COLEC12: variants seen among roughly 807,000 people sequenced by gnomAD.
COLEC12 encodes the protein collectin subfamily member 12.
In COLEC12, 33 loss-of-function variants were observed where a neutral mutation model predicts 71.1. The observed-to-expected ratio is 0.46, with a 90% CI of 0.35 to 0.62. The LOEUF is 0.62. Among genes scored for constraint, COLEC12 ranks in the 20% least tolerant of loss-of-function variants. The pLI, the probability that COLEC12 is intolerant of heterozygous loss-of-function variation, is 0.00. For synonymous variants in COLEC12, 350 were observed against 353.0 expected (o/e 0.99, Z 0.10); for missense variants, 765 against 916.1 (o/e 0.84, Z 2.13).
chr18:500,389 C>G lies in COLEC12; in HGVS notation c.7+119G>C, dbSNP rs1276555950. 1.4e-6 allele frequency: 1 copy of G among 690,534 alleles called. No homozygotes were observed. Among genetic ancestry groups the G allele is most frequent in the African/African-American group, 1.9e-5 (1 of 53,162 alleles). 42.8% of individuals were successfully genotyped at this position (690,534 alleles called of 1,614,324 possible). A position where few individuals can be genotyped will look rare whatever the true frequency, so the allele number is the denominator to read the frequency against. On this transcript the variant is annotated intron_variant, in intron 1 of 9. Transcript: ENST00000400256. The surrounding 1 kb of genome is among the most constrained non-coding windows in gnomAD (Gnocchi z 5.3). Reference sequence around the variant, plus strand: ...CACGAACCCGGCGCCCTGGCAGCCCCGACTCCCCGGGCCCGCAGCCCAAGG... The same window carrying G: ...CACGAACCCGGCGCCCTGGCAGCCCGGACTCCCCGGGCCCGCAGCCCAAGG...
intron 2 of COLEC12, among the ~76,000 whole-genome samples, chr18:418,169 G>A (rs1916026465): frequency 1.3e-5 from 2 of 152,158 alleles, no homozygotes; most frequent in African/African-American, 2.4e-5. Context: ...TGAAAATAGT[G>A]TTATTAATAT....
chr18:478,587 T>C (rs1272071690), intron 2 of COLEC12, among the ~76,000 whole-genome samples: 4 of 152,166 alleles, frequency 2.6e-5, no homozygotes, highest in African/African-American at 4.8e-5. Context: ...CACTCTAGCC[T>C]GAATGACAGA....
intron 2 of COLEC12, among the ~76,000 whole-genome samples, chr18:451,897 TAAGTA>T (rs1156736899): frequency 6.6e-6 from 1 of 152,158 alleles, no homozygotes; most frequent in African/African-American, 2.4e-5. Context: ...GAAATTCACG[TAAGTA>T]AAGAGGAGCC....
At chr18:324,372 A>G (rs1485688594) in intron 8 of COLEC12, among the ~76,000 whole-genome samples, 1 of 152,240 alleles carries the variant, frequency 6.6e-6, no homozygotes, top group African/African-American at 2.4e-5. Flanking sequence ...CTACATTATC[A>G]TACACATGTC....
intron 8 of COLEC12, among the ~76,000 whole-genome samples, chr18:330,305 T>C (rs892239898): frequency 1.3e-5 from 2 of 152,114 alleles, no homozygotes; most frequent in Non-Finnish European, 2.9e-5. Context: ...TCCATGCCCA[T>C]GAGACTCTCT....
intron 8 of COLEC12, among the ~76,000 whole-genome samples, chr18:324,171 A>C (rs1236283271): frequency 1.3e-5 from 2 of 152,190 alleles, no homozygotes; most frequent in Non-Finnish European, 2.9e-5. Flanking sequence ...GGCAAAGCTA[A>C]AATCACATGG....
intron 2 of COLEC12, among the ~76,000 whole-genome samples, chr18:458,082 G>A (rs993583463): frequency 6.6e-6 from 1 of 152,174 alleles, no homozygotes; most frequent in Admixed American, 6.5e-5. Context: ...GGACTCTAAT[G>A]TTAGATAAAC....
At chr18:351,929 C>T (rs1344064014) in intron 3 of COLEC12, among the ~76,000 whole-genome samples, 2 of 152,100 alleles carry the variant, frequency 1.3e-5, no homozygotes, top group East Asian at 1.9e-4. Flanking sequence ...ATCTGCCCAC[C>T]TTGGCCTCCC....
chr18:377,625 G>C (rs1326397187), intron 2 of COLEC12, among the ~76,000 whole-genome samples: 2 of 152,232 alleles, frequency 1.3e-5, no homozygotes, highest in Non-Finnish European at 2.9e-5. Flanking sequence ...GGAGAAGTGC[G>C]CTGGGCTGGG....
chr18:322,900 A>G (rs1233393623), intron 8 of COLEC12, among the ~76,000 whole-genome samples: 1 of 152,158 alleles, frequency 6.6e-6, no homozygotes, highest in Non-Finnish European at 1.5e-5. Context: ...TGACTCCCCC[A>G]CACCAAATGT....
intron 2 of COLEC12, among the ~76,000 whole-genome samples, chr18:462,955 A>G (rs527977304): frequency 2.0e-5 from 3 of 152,368 alleles, no homozygotes; most frequent in Admixed American, 2.0e-4. Flanking sequence ...ATAAAGTGTA[A>G]TAGCTCAGAT....
In COLEC12 at chr18:395,598, G is replaced by T. The variant is rs1189172701; in HGVS notation, c.59-38076C>A. On this transcript the variant is annotated intron_variant, in intron 2 of 9. Coordinates refer to ENST00000400256, the MANE Select transcript of COLEC12 (RefSeq NM_130386.3). ...CATTCCAAGAGGGTACTGTACTTGGGGAAATTACTCACCTAGAGTTTATAT... is the reference window on the plus strand; with the variant it reads ...CATTCCAAGAGGGTACTGTACTTGGTGAAATTACTCACCTAGAGTTTATAT... 3.9e-5 allele frequency among the ~76,000 whole-genome samples: 6 copies of T among 152,262 alleles called. No homozygotes were observed. The East Asian group carries it at 9.6e-4, about 24-fold the overall frequency.
intron 2 of COLEC12, among the ~76,000 whole-genome samples, chr18:471,912 T>G (rs957138255): frequency 6.6e-6 from 1 of 152,046 alleles, no homozygotes; most frequent in South Asian, 2.1e-4. Flanking sequence ...ACAGGGAAAG[T>G]AGACAGAAGG....
At chr18:378,565 T>C (rs982646338) in intron 2 of COLEC12, among the ~76,000 whole-genome samples, 10 of 152,166 alleles carry the variant, frequency 6.6e-5, no homozygotes, top group African/African-American at 2.4e-4. Flanking sequence ...CACCCAATTC[T>C]CGACCTCCAG....
rs1914384098 is a variant in COLEC12 at position 346,749 on chromosome 18, G to T, written c.873C>A (p.Asn291Lys). The T allele has an allele frequency of 6.2e-7, 1 of 1,614,110 alleles. No individual in the cohort carries two copies. The highest frequency in any genetic ancestry group is 1.3e-5 in the African/African-American group (1 of 74,932). Reference sequence around the variant, plus strand: ...TGTTCTCCATCTGACCTGTGAATGAGTTGAGCTGGCTGTTCATATCCTCCA... The same window carrying T: ...TGTTCTCCATCTGACCTGTGAATGATTTGAGCTGGCTGTTCATATCCTCCA... ...DTLEDMNSQL[N>K]SFTGQMENIT... The change falls in exon 5 of 10, where the codon AAC becomes AAA. Residue 291 changes from asparagine to lysine, a missense_variant. Asn to Lys is a moderately conservative substitution (Grantham distance 94). Coordinates refer to ENST00000400256, the MANE Select transcript of COLEC12 (RefSeq NM_130386.3). This position sits in a 1 kb window ranked among gnomAD's most constrained non-coding sequence, Gnocchi z 4.0.
At chr18:381,541 T>C (rs950092508) in intron 2 of COLEC12, among the ~76,000 whole-genome samples, 2 of 152,224 alleles carry the variant, frequency 1.3e-5, no homozygotes, top group Non-Finnish European at 2.9e-5. Flanking sequence ...CCACACATTT[T>C]GGTGGGAATA....
chr18:468,484 A>G (rs1567917407), intron 2 of COLEC12, among the ~76,000 whole-genome samples: 1 of 152,208 alleles, frequency 6.6e-6, no homozygotes, highest in Non-Finnish European at 1.5e-5. Context: ...GAAAGGCTAT[A>G]ATTCTGATCT....
chr18:434,180 A>G (rs946270151), intron 2 of COLEC12, among the ~76,000 whole-genome samples: 1 of 152,178 alleles, frequency 6.6e-6, no homozygotes, highest in Non-Finnish European at 1.5e-5. Flanking sequence ...TCCACAAACC[A>G]TTAAGTCATT....
At position 339,285 on chromosome 18, in the gene COLEC12, G is replaced by A. The variant is rs190006240; in HGVS notation, c.1328-4055C>T. Among the ~76,000 whole-genome samples, 639 of 152,178 alleles carry A rather than the reference G, an allele frequency of 4.2e-3. 5 individuals carry two copies. The highest frequency in any genetic ancestry group is 0.015 in the African/African-American group (611 of 41,520). Reference sequence around the variant, plus strand: ...TTTCATTCATCCTATTTCTTTCTGGGGTAGGGTAGTTTATGGTGTTCAGCT... The same window carrying A: ...TTTCATTCATCCTATTTCTTTCTGGAGTAGGGTAGTTTATGGTGTTCAGCT... On this transcript the variant is annotated intron_variant, in intron 5 of 9. Coordinates refer to ENST00000400256, the MANE Select transcript of COLEC12 (RefSeq NM_130386.3).
Sources: gnomAD v4.1 joint callset for allele counts (sites outside exome capture counted in the v4.1 genomes callset) on GRCh38, gnomAD v4.1.1 for gene constraint, Gnocchi (gnomAD v3.1) non-coding constraint, MANE v1.5 for transcripts, NCBI Gene and HGNC (gene_info 2026-07-23, HGNC 2026-07-21) for gene names.